ARFGEF3: variants seen among roughly 807,000 people sequenced by gnomAD.
The protein encoded by ARFGEF3 is ARFGEF family member 3.
A neutral mutation model predicts 221.7 loss-of-function variants in ARFGEF3; 96 were observed. The observed-to-expected ratio is 0.43, with a 90% CI of 0.37 to 0.51. The LOEUF is 0.51. Ranked by LOEUF, ARFGEF3 falls within the 20% of genes least tolerant of loss-of-function variation. The probability of loss-of-function intolerance (pLI) is 0.00; values close to 1 mark genes in which losing one functional copy is unlikely to be tolerated. For missense variants in ARFGEF3, 2,410 were observed against 2,789.9 expected, an observed-to-expected ratio of 0.86 and a Z score of 3.07; for synonymous variants, 1,145 against 1,126.8, an observed-to-expected ratio of 1.02 and a Z score of -0.32.
At chr6:138,285,305 G>C (rs2114626542) in intron 14 of ARFGEF3, among the ~76,000 whole-genome samples, 1 of 152,144 alleles carries the variant, frequency 6.6e-6, no homozygotes, top group East Asian at 1.9e-4. Flanking sequence ...CAAAAAATTA[G>C]CCGGGCATGG....
At chr6:138,226,489 A>G (rs1778086559) in intron 4 of ARFGEF3, among the ~76,000 whole-genome samples, 1 of 152,006 alleles carries the variant, frequency 6.6e-6, no homozygotes, top group Non-Finnish European at 1.5e-5. Context: ...TGTTTTCCCT[A>G]TTTTCCTTGT....
At chr6:138,285,810 C>T in intron 14 of ARFGEF3, 136 bp from the exon 15 acceptor site, 1 of 606,966 alleles carries the variant, frequency 1.6e-6, no homozygotes, top group Non-Finnish European at 3.0e-6. Context: ...ATGATAGTCT[C>T]ATTAAAGGTT....
At chr6:138,247,048 C>T (rs924491797) in intron 8 of ARFGEF3, among the ~76,000 whole-genome samples, 7 of 152,066 alleles carry the variant, frequency 4.6e-5, no homozygotes, top group Admixed American at 4.6e-4. Context: ...TAGCATAAAC[C>T]AAAAAGAAAT....
chr6:138,173,091 A>G (rs967380447), intron 2 of ARFGEF3, among the ~76,000 whole-genome samples: 5 of 152,198 alleles, frequency 3.3e-5, no homozygotes, highest in Non-Finnish European at 7.4e-5. Context: ...TGGAAATACA[A>G]TAAGTTCAAG....
intron 14 of ARFGEF3, among the ~76,000 whole-genome samples, chr6:138,284,266 C>T (rs1460998347): frequency 6.6e-6 from 1 of 152,186 alleles, no homozygotes; most frequent in East Asian, 1.9e-4. Context: ...GATTGTGCCA[C>T]TGTACCCCAG....
chr6:138,329,972 A>C (rs1248941933), intron 32 of ARFGEF3, among the ~76,000 whole-genome samples: 1 of 151,962 alleles, frequency 6.6e-6, no homozygotes, highest in Non-Finnish European at 1.5e-5. Context: ...TAGGTAAAGG[A>C]AAAAGGGGGG....
chr6:138,226,808 A>G (rs895533513), intron 4 of ARFGEF3, among the ~76,000 whole-genome samples: 5 of 152,190 alleles, frequency 3.3e-5, no homozygotes, highest in Non-Finnish European at 5.9e-5. Flanking sequence ...ATACATGCTA[A>G]GCATTGGGAG....
intron 2 of ARFGEF3, among the ~76,000 whole-genome samples, chr6:138,204,583 T>C (rs1265450338): frequency 6.6e-6 from 1 of 152,190 alleles, no homozygotes; most frequent in Admixed American, 6.5e-5. Context: ...AGAGACCATT[T>C]GGAATGCATG....
At chr6:138,322,137 A>G (rs1483829979) in intron 29 of ARFGEF3, among the ~76,000 whole-genome samples, 1 of 152,162 alleles carries the variant, frequency 6.6e-6, no homozygotes, top group Non-Finnish European at 1.5e-5. Flanking sequence ...GCCTCGTCCA[A>G]TCAGTTGAAG....
intron 2 of ARFGEF3, among the ~76,000 whole-genome samples, chr6:138,185,258 G>T (rs966299106): frequency 6.6e-6 from 1 of 152,220 alleles, no homozygotes; most frequent in Admixed American, 6.5e-5. Context: ...GCCAGGGAAT[G>T]AAGCTGACAC....
intron 31 of ARFGEF3, among the ~76,000 whole-genome samples, chr6:138,327,163 TAC>T (rs1315753744): frequency 6.6e-6 from 1 of 152,160 alleles, no homozygotes; most frequent in African/African-American, 2.4e-5. Flanking sequence ...CTAGGCTTAA[TAC>T]CTGGGTGATG....
At position 138,218,574 on chromosome 6, in the gene ARFGEF3, TAG is replaced by T. The variant is rs1218248648; in HGVS notation, c.351+8536_351+8537del. On this transcript the variant is annotated intron_variant, in intron 4 of 33. Coordinates refer to ENST00000251691, the MANE Select transcript of ARFGEF3 (RefSeq NM_020340.5). The stretch of plus-strand genomic sequence containing the variant: ...AATGTTTCTGTTCCATCCTACGAGG[TAG>T]AGTTTTATGATTTGATTATTCCAGA... The T allele has an allele frequency of 1.2e-5, 13 of 1,108,138 alleles. No individual in the cohort carries two copies. In the South Asian group the frequency reaches 1.9e-4, roughly 16 times the overall value. The allele number at this position is 1,108,138 out of a possible 1,614,324, so 68.6% of individuals were successfully genotyped here.
intron 32 of ARFGEF3, among the ~76,000 whole-genome samples, chr6:138,331,687 C>T (rs769444073): frequency 9.9e-5 from 15 of 152,208 alleles, no homozygotes; most frequent in African/African-American, 2.4e-4. Context: ...CTTTCCTTTG[C>T]CCTTAAGCAG....
chr6:138,245,871 G>A lies in ARFGEF3; in HGVS notation c.665+280G>A, dbSNP rs184167221. 1.6e-3 allele frequency among the ~76,000 whole-genome samples: 246 copies of A among 152,256 alleles called. 1 individual carries two copies. Among genetic ancestry groups the A allele is most frequent in the African/African-American group, 5.8e-3 (242 of 41,522 alleles). On this transcript the variant is annotated intron_variant, in intron 8 of 33. Transcript: ENST00000251691. ...TGCTTCATGGAGCATGAAGCTGAGT[G>A]GGAAGAATCCTGGGCTGAGTGCTGG...
chr6:138,306,333 A>T (rs552639474), intron 22 of ARFGEF3, among the ~76,000 whole-genome samples: 21 of 152,306 alleles, frequency 1.4e-4, no homozygotes, highest in Admixed American at 3.9e-4. Context: ...TAAATATGAG[A>T]TATGCCATAT....
At chr6:138,210,712 C>T (rs1777709611) in intron 4 of ARFGEF3, among the ~76,000 whole-genome samples, 1 of 152,102 alleles carries the variant, frequency 6.6e-6, no homozygotes, top group Non-Finnish European at 1.5e-5. Flanking sequence ...GGTAACACAG[C>T]AGGAACCAAC....
At chr6:138,255,284 TAA>T (rs930740025) in intron 9 of ARFGEF3, among the ~76,000 whole-genome samples, 150 bp from the exon 10 acceptor site, 3 of 152,308 alleles carry the variant, frequency 2.0e-5, no homozygotes, top group Admixed American at 6.5e-5. Flanking sequence ...CTAGAAATGT[TAA>T]AGAGACTTAG....
chr6:138,253,899 C>T lies in ARFGEF3; in HGVS notation c.685C>T (p.Leu229Phe), dbSNP rs767321273. The change falls in exon 9 of 34, where the codon CTT becomes TTT. Residue 229 changes from leucine (L) to phenylalanine (F), a missense_variant. Transcript: ENST00000251691. ...AAINDSQQLQ[L>F]LYLECILSVL... ...CTGCAGTGACAGCCAGCAGCTGCAG[C>T]TTCTCTACCTGGAGTGCATCCTGTC... is the stretch of plus-strand genomic sequence containing the variant. 6.0e-5 allele frequency: 95 copies of T among 1,587,698 alleles called. No homozygotes were observed. The highest frequency in any genetic ancestry group is 7.9e-5 in the Non-Finnish European group (92 of 1,167,028).
intron 1 of ARFGEF3, among the ~76,000 whole-genome samples, chr6:138,169,463 T>C (rs145979240): frequency 6.6e-6 from 1 of 152,320 alleles, no homozygotes; most frequent in Non-Finnish European, 1.5e-5. Context: ...TATATATCCC[T>C]CTGTCCTGCG....
Sources: allele counts gnomAD v4.1 joint callset (sites outside exome capture counted in the v4.1 genomes callset), GRCh38; gene constraint gnomAD v4.1.1; transcripts MANE v1.5; gene names NCBI Gene and HGNC (gene_info 2026-07-23, HGNC 2026-07-21).